FAM216A: variants seen among roughly 807,000 people sequenced by gnomAD.
FAM216A encodes the protein family with sequence similarity 216 member A.
Under a neutral mutation model 37.6 loss-of-function variants are expected in FAM216A, and 26 were observed. That is an observed-to-expected ratio of 0.69 (90% CI 0.51 to 0.96). The LOEUF (loss-of-function observed/expected upper bound fraction) is 0.96, where lower values mean the gene tolerates loss of function less well. Ranked by LOEUF, FAM216A falls within the 40% of genes least tolerant of loss-of-function variation. The pLI is 0.00. For missense variants in FAM216A, 326 were observed against 339.3 expected (o/e 0.96, Z 0.31); for synonymous variants, 110 against 121.7 (o/e 0.90, Z 0.64).
intron 6 of FAM216A, among the ~76,000 whole-genome samples, chr12:110,488,410 CAAAAAAA>C (rs572459416): frequency 3.9e-5 from 2 of 51,024 alleles, no homozygotes; most frequent in Middle Eastern, 0.019. Flanking sequence ...GACTCCATCT[CAAAAAAA>C]AAAAAAAAAA....
Position 110,486,628 on chromosome 12 carries a change from G to A in FAM216A, c.531G>A (p.Glu177=), listed in dbSNP as rs752036434. 1 of 1,614,118 alleles carries A rather than the reference G, an allele frequency of 6.2e-7. No homozygotes were observed. Among genetic ancestry groups the A allele is most frequent in the East Asian group, 2.2e-5 (1 of 44,884 alleles). The part of the protein sequence containing the change: ...CTTWRHQLER[E]DSGSSDIAAA... ...CATGGCGACATCAACTGGAGAGAGA[G>A]GACTCGGGGTCTTCTGATATCGCAG... The change falls in exon 5 of 7, where the codon GAG becomes GAA. Residue 177 remains glutamate (E), a synonymous_variant. Coordinates refer to ENST00000377673, the MANE Select transcript of FAM216A (RefSeq NM_013300.3).
intron 6 of FAM216A, among the ~76,000 whole-genome samples, chr12:110,489,094 A>G (rs945168288): frequency 1.3e-5 from 2 of 152,242 alleles, no homozygotes; most frequent in Non-Finnish European, 2.9e-5. Context: ...AAATACTGCA[A>G]AATGAAAAAG....
chr12:110,468,913 TC>T lies in FAM216A; in HGVS notation c.39del (p.Gly14AlafsTer57), dbSNP rs1176735553. ...CTGCTCCCGCACACGGCTCGCGGTC[TC>T]GGCGCCGCGGAGATGCCCGGCCAGG... ...GQLLPHTARG[L>X]GAAEMPGQGP... On this transcript the variant is annotated frameshift_variant, in exon 1 of 7. Transcript: ENST00000377673. LOFTEE classifies it high-confidence loss of function. 6.6e-7 allele frequency: 1 copy of T among 1,521,696 alleles called. No individual in the cohort carries two copies. Among genetic ancestry groups the T allele is most frequent in the South Asian group, 1.2e-5 (1 of 83,264 alleles). 94.3% of individuals were successfully genotyped at this position (1,521,696 alleles called of 1,614,324 possible).
rs866029576 is a variant in FAM216A at position 110,486,656 on chromosome 12, G to C, written c.559G>C (p.Ala187Pro). 4 of 1,614,134 alleles carry C rather than the reference G, an allele frequency of 2.5e-6. No homozygotes were observed. In the Middle Eastern group the frequency reaches 4.9e-4, roughly 200 times the overall value. ...CTCGGGGTCTTCTGATATCGCAGCT[G>C]CATCTGCACCTGAAATGCTCATACA... ...EDSGSSDIAA[A>P]SAPEMLIQHS... Residue 187 changes from alanine to proline, a missense_variant, in exon 5 of 7, where the codon GCA becomes CCA. Transcript: ENST00000377673.
In FAM216A at chr12:110,487,416, T is replaced by C. The variant is rs180951806; in HGVS notation, c.621-445T>C. ...TCCCAAAGTGCTGGGATTACAGGCA[T>C]GAGCCACCATGCCTAGCCGAGAGAT... On this transcript the variant is annotated intron_variant, in intron 5 of 6. Coordinates refer to ENST00000377673, the MANE Select transcript of FAM216A (RefSeq NM_013300.3). The C allele has an allele frequency of 3.3e-3, 511 of 156,428 alleles. 3 individuals carry two copies. Among genetic ancestry groups the C allele is most frequent in the Middle Eastern group, 9.8e-3 (3 of 306 alleles). 9.7% of individuals were successfully genotyped at this position (156,428 alleles called of 1,614,324 possible). A position where few individuals can be genotyped will look rare whatever the true frequency, so the allele number is the denominator to read the frequency against.
chr12:110,479,979 T>C (rs931145633), intron 2 of FAM216A, among the ~76,000 whole-genome samples: 13 of 152,038 alleles, frequency 8.6e-5, no homozygotes, highest in African/African-American at 3.1e-4. Context: ...GTTGGTTAAC[T>C]ATTTATTTGT....
intron 3 of FAM216A, among the ~76,000 whole-genome samples, 191 bp downstream of exon 3, chr12:110,485,390 TAA>T (rs2062772077): frequency 1.3e-5 from 2 of 152,146 alleles, no homozygotes; most frequent in South Asian, 2.1e-4. Context: ...TTCTTTATCA[TAA>T]GAGTTATTTC....
At chr12:110,488,751 G>T (rs1003832180) in intron 6 of FAM216A, among the ~76,000 whole-genome samples, 1 of 152,002 alleles carries the variant, frequency 6.6e-6, no homozygotes, top group Non-Finnish European at 1.5e-5. Flanking sequence ...CCTATACTTT[G>T]TTATTTCCTA....
intron 2 of FAM216A, among the ~76,000 whole-genome samples, chr12:110,484,408 C>A: frequency 1.0e-5 from 1 of 98,036 alleles, no homozygotes; most frequent in Admixed American, 1.7e-4. Context: ...GCCTGGGGGA[C>A]ACAGAGAGAC....
chr12:110,473,092 C>T lies in FAM216A; in HGVS notation c.158C>T (p.Ser53Phe), dbSNP rs200746481. Residue 53 changes from serine to phenylalanine, a missense_variant, in exon 2 of 7, where the codon TCT becomes TTT. Physicochemically the swap from Ser to Phe is radical, Grantham distance 155. Transcript: ENST00000377673. ...EGGGGGSAGYSCYQNSKGSDR... is the reference protein window; with the variant it reads ...EGGGGGSAGYFCYQNSKGSDR... ...TTTTTCAACAGATCAGCTGGATACT[C>T]TTGTTACCAGAATTCCAAAGGTTCT... 9.5e-5 allele frequency: 148 copies of T among 1,553,676 alleles called. No homozygotes were observed. The highest frequency in any genetic ancestry group is 1.2e-4 in the Non-Finnish European group (137 of 1,138,816).
At chr12:110,486,228 G>A (rs1242247188) in intron 3 of FAM216A, 97 bp from the exon 4 acceptor site, 1 of 1,289,808 alleles carries the variant, frequency 7.8e-7, no homozygotes, top group South Asian at 1.8e-5. Context: ...AAATACAGTT[G>A]GCACAACTCT....
At chr12:110,479,082 G>C (rs994532210) in intron 2 of FAM216A, among the ~76,000 whole-genome samples, 1 of 151,676 alleles carries the variant, frequency 6.6e-6, no homozygotes, top group Admixed American at 6.6e-5. Context: ...CCAGCTACTC[G>C]GGAGGCTGAG....
chr12:110,470,449 A>C (rs12369492), intron 1 of FAM216A, among the ~76,000 whole-genome samples: 21,574 of 148,700 alleles, frequency 0.15, 2,029 homozygotes, highest in East Asian at 0.31. Flanking sequence ...CGACTGCAGG[A>C]TCCTGGTGTA....
At chr12:110,471,266 T>G (rs973543446) in intron 1 of FAM216A, among the ~76,000 whole-genome samples, 1 of 152,086 alleles carries the variant, frequency 6.6e-6, no homozygotes, top group African/African-American at 2.4e-5. Flanking sequence ...GTTTTTGCAT[T>G]TTTAGTAGAG....
intron 2 of FAM216A, among the ~76,000 whole-genome samples, chr12:110,484,302 C>G (rs1383540719): frequency 6.6e-6 from 1 of 151,164 alleles, no homozygotes; most frequent in Non-Finnish European, 1.5e-5. Context: ...TGGCAGGTGC[C>G]TGTAGTCCCA....
Position 110,469,056 on chromosome 12 carries a change from GGGCCCCCGGGTCGTGA to G in FAM216A, c.143+56_143+71del, listed in dbSNP as rs781777612. ...GCCCCGGGGTAAGGGTGGCAGCATGGGGCCCCCGGGTCGTGAGGCCCCCGGGTCGTGAGCCCCGTGG... is the reference window on the plus strand; with the variant it reads ...GCCCCGGGGTAAGGGTGGCAGCATGGGGCCCCCGGGTCGTGAGCCCCGTGG... On this transcript the variant is annotated intron_variant, in intron 1 of 6. Transcript: ENST00000377673. The G allele has an allele frequency of 4.8e-4, 672 of 1,395,592 alleles. 1 individual carries two copies. The highest frequency in any genetic ancestry group is 2.1e-3 in the Middle Eastern group (8 of 3,808). 86.5% of individuals were successfully genotyped at this position (1,395,592 alleles called of 1,614,324 possible).
chr12:110,468,431 G>T (rs1008718525), upstream of FAM216A: 3 of 1,534,838 alleles, frequency 2.0e-6, no homozygotes, highest in Admixed American at 5.9e-5. Context: ...AAAAGTAGTT[G>T]ATGGAAATCG....
chr12:110,488,893 ATATCT>A (rs2062792662), intron 6 of FAM216A, among the ~76,000 whole-genome samples: 1 of 152,212 alleles, frequency 6.6e-6, no homozygotes, highest in South Asian at 2.1e-4. Context: ...CTCTCTCAAA[ATATCT>A]TATACTGTAC....
intron 2 of FAM216A, among the ~76,000 whole-genome samples, chr12:110,484,040 A>G (rs913177732): frequency 1.4e-4 from 22 of 151,896 alleles, no homozygotes; most frequent in African/African-American, 5.3e-4. Flanking sequence ...TCTTGAGCCC[A>G]GGAGTTTGAG....
Sources: allele counts gnomAD v4.1 joint callset (sites outside exome capture counted in the v4.1 genomes callset), GRCh38; gene constraint gnomAD v4.1.1; transcripts MANE v1.5; gene names NCBI Gene and HGNC (gene_info 2026-07-23, HGNC 2026-07-21).